Variants in ZNHIT6 observed in about 807,000 individuals in gnomAD.
ZNHIT6 encodes the protein zinc finger HIT-type containing 6.
Under a neutral mutation model 57.2 loss-of-function variants are expected in ZNHIT6, and 45 were observed. The observed-to-expected ratio is 0.79, with a 90% CI of 0.62 to 1.01. The LOEUF (loss-of-function observed/expected upper bound fraction) is 1.01. Ranked by LOEUF, ZNHIT6 falls within the 50% of genes least tolerant of loss-of-function variation. The pLI is 0.00. For synonymous variants in ZNHIT6, 188 were observed against 190.0 expected, an observed-to-expected ratio of 0.99 and a Z score of 0.09; for missense variants, 528 against 567.3, an observed-to-expected ratio of 0.93 and a Z score of 0.70.
At chr1:85,702,379 T>G (rs1256593646) in intron 4 of ZNHIT6, 119 bp from the exon 5 acceptor site, 2 of 630,654 alleles carry the variant, frequency 3.2e-6, no homozygotes, top group Non-Finnish European at 5.6e-6. Context: ...ACAACAGCTC[T>G]AAGCAGTAAT....
chr1:85,681,957 T>C (rs1324211379), intron 5 of ZNHIT6, among the ~76,000 whole-genome samples: 2 of 151,344 alleles, frequency 1.3e-5, no homozygotes, highest in Non-Finnish European at 1.5e-5. Flanking sequence ...AATACCATAA[T>C]AGCATTATCA....
At position 85,650,955 on chromosome 1, in the gene ZNHIT6, T is replaced by C. The variant is rs1370929435; in HGVS notation, c.*3103A>G. 6.6e-6 allele frequency: 1 copy of C among 152,218 alleles called. No homozygotes were observed. Among genetic ancestry groups the C allele is most frequent in the African/African-American group, 2.4e-5 (1 of 41,460 alleles). The allele number at this position is 152,218 out of a possible 1,614,324, so 9.4% of individuals were successfully genotyped here. ...GCACATGGGGAATCTAATTTCAACA[T>C]GAGTTTTGGTAGGAACAAACTATAT... is the stretch of plus-strand genomic sequence containing the variant. On this transcript the variant is annotated 3_prime_UTR_variant, in exon 10 of 10. Transcript: ENST00000370574.
At chr1:85,687,438 T>C (rs1173347192) in intron 5 of ZNHIT6, among the ~76,000 whole-genome samples, 1 of 152,026 alleles carries the variant, frequency 6.6e-6, no homozygotes, top group African/African-American at 2.4e-5. Context: ...TGGCTAGAGA[T>C]GAAACTAGAC....
intron 4 of ZNHIT6, among the ~76,000 whole-genome samples, chr1:85,703,444 T>G (rs1030633745): frequency 1.3e-5 from 2 of 152,022 alleles, no homozygotes; most frequent in Admixed American, 1.3e-4. Flanking sequence ...GATATACCAG[T>G]AGGCCAACAG....
At chr1:85,683,709 T>G (rs1402690588) in intron 5 of ZNHIT6, among the ~76,000 whole-genome samples, 2 of 152,136 alleles carry the variant, frequency 1.3e-5, no homozygotes, top group Admixed American at 6.5e-5. Context: ...TAAAAAAATA[T>G]ACATACATCA....
intron 8 of ZNHIT6, among the ~76,000 whole-genome samples, chr1:85,665,337 C>T (rs1293578229): frequency 6.6e-6 from 1 of 151,762 alleles, no homozygotes; most frequent in Non-Finnish European, 1.5e-5. Context: ...GTTGCCCAGG[C>T]TGGTCTCAAA....
At chr1:85,686,427 G>A (rs1473877679) in intron 5 of ZNHIT6, among the ~76,000 whole-genome samples, 1 of 152,058 alleles carries the variant, frequency 6.6e-6, no homozygotes, top group African/African-American at 2.4e-5. Context: ...ATGGTCTCAA[G>A]GCTATCTTCC....
At chr1:85,701,188 C>G (rs1570333331) in intron 5 of ZNHIT6, among the ~76,000 whole-genome samples, 1 of 152,148 alleles carries the variant, frequency 6.6e-6, no homozygotes. Flanking sequence ...AAGATAGAAG[C>G]TTCACTAGAA....
intron 5 of ZNHIT6, among the ~76,000 whole-genome samples, chr1:85,683,587 T>C (rs893903769): frequency 1.3e-5 from 2 of 152,178 alleles, no homozygotes; most frequent in African/African-American, 4.8e-5. Context: ...TTTCCAATTC[T>C]TCAGTATTGC....
chr1:85,678,594 G>T (rs757056503), intron 7 of ZNHIT6, 107 bp downstream of exon 7: 56 of 733,042 alleles, frequency 7.6e-5, no homozygotes, highest in African/African-American at 3.8e-5. Flanking sequence ...AAATGTGATA[G>T]AAAGTAAATT....
At position 85,657,960 on chromosome 1, in the gene ZNHIT6, A is replaced by G; in HGVS notation, c.1259T>C (p.Leu420Pro). ...GTCTAGGAGACTTTTATAAGGATCT[A>G]GTTCATAATATCTTATTAATAAAAA... ...MQQNLVRYYE[L>P]DPYKSLLDNL... The change falls in exon 9 of 10, where the codon CTA becomes CCA. Residue 420 changes from leucine to proline, a missense_variant. Transcript: ENST00000370574. The G allele has an allele frequency of 6.7e-7, 1 of 1,499,810 alleles. No homozygotes were observed. The highest frequency in any genetic ancestry group is 1.3e-5 in the South Asian group (1 of 78,688). The allele number at this position is 1,499,810 out of a possible 1,614,324, so 92.9% of individuals were successfully genotyped here.
chr1:85,704,990 C>A (rs1231703707), intron 4 of ZNHIT6, among the ~76,000 whole-genome samples: 2 of 152,134 alleles, frequency 1.3e-5, no homozygotes, highest in African/African-American at 4.8e-5. Flanking sequence ...CCTTCAAAAT[C>A]GCAATCTAAT....
Position 85,656,782 on chromosome 1 carries a change from A to G in ZNHIT6, c.1372+1065T>C, listed in dbSNP as rs183354697. Among the ~76,000 whole-genome samples the G allele has an allele frequency of 1.7e-3, 255 of 152,270 alleles. 2 individuals are homozygous for G. Among genetic ancestry groups the G allele is most frequent in the Non-Finnish European group, 3.0e-3 (203 of 67,982 alleles). ...TGTTTGCTAACTAAAATCTGGTTTC[A>G]AGTTGTAGCACTGATACAATTTTGG... is the stretch of plus-strand genomic sequence containing the variant. On this transcript the variant is annotated intron_variant, in intron 9 of 9. Coordinates refer to ENST00000370574, the MANE Select transcript of ZNHIT6 (RefSeq NM_017953.4).
intron 5 of ZNHIT6, among the ~76,000 whole-genome samples, chr1:85,686,395 G>T (rs1662039536): frequency 6.6e-6 from 1 of 151,912 alleles, no homozygotes; most frequent in African/African-American, 2.4e-5. Context: ...CCAGAACGAG[G>T]GTTACCTATC....
At position 85,666,619 on chromosome 1, in the gene ZNHIT6, G is replaced by A. The variant is rs368545346; in HGVS notation, c.1248-8648C>T. ...TATATCTGTCCGGTAAACACTCACC[G>A]AACTGTGCCAACTAGCTGAGCTTCA... On this transcript the variant is annotated intron_variant, in intron 8 of 9. Transcript: ENST00000370574. 5.3e-5 allele frequency among the ~76,000 whole-genome samples: 8 copies of A among 152,006 alleles called. No homozygotes were observed. In the South Asian group the frequency reaches 1.3e-3, roughly 24 times the overall value.
Position 85,708,328 on chromosome 1 carries a change from G to C in ZNHIT6, c.-44C>G. On this transcript the variant is annotated 5_prime_UTR_variant, in exon 1 of 10. Transcript: ENST00000370574. Reference sequence around the variant, plus strand: ...CTCTGCTGCCACTCTATCCTTCAATGTGGCTGCTGCACACCAATAGGAGGA... The same window carrying C: ...CTCTGCTGCCACTCTATCCTTCAATCTGGCTGCTGCACACCAATAGGAGGA... 1 of 1,549,834 alleles carries C rather than the reference G, an allele frequency of 6.5e-7. No homozygotes were observed. Among genetic ancestry groups the C allele is most frequent in the South Asian group, 1.2e-5 (1 of 83,126 alleles).
chr1:85,695,573 A>C (rs1662342781), intron 5 of ZNHIT6, among the ~76,000 whole-genome samples: 1 of 152,228 alleles, frequency 6.6e-6, no homozygotes. Flanking sequence ...TAAAAGAAAC[A>C]GAGATCAAAG....
intron 8 of ZNHIT6, among the ~76,000 whole-genome samples, chr1:85,675,407 A>G (rs1661674179): frequency 1.3e-5 from 2 of 152,174 alleles, no homozygotes; most frequent in South Asian, 4.1e-4. Flanking sequence ...CAATGTTTTG[A>G]AAACAAACTT....
chr1:85,670,245 G>A (rs2100664196), intron 8 of ZNHIT6, among the ~76,000 whole-genome samples: 1 of 152,202 alleles, frequency 6.6e-6, no homozygotes, highest in African/African-American at 2.4e-5. Flanking sequence ...CCATATTCTA[G>A]TCATGTCCAT....
Sources: allele counts gnomAD v4.1 joint callset (sites outside exome capture counted in the v4.1 genomes callset), GRCh38; gene constraint gnomAD v4.1.1; transcripts MANE v1.5; gene names NCBI Gene and HGNC (gene_info 2026-07-23, HGNC 2026-07-21).